The following TNS3 variants were observed in gnomAD, a reference collection of about 807,000 sequenced individuals.
TNS3 encodes tensin 3.
Under a neutral mutation model 140.9 loss-of-function variants are expected in TNS3, and 45 were observed. That is an observed-to-expected ratio of 0.32 (90% CI 0.25 to 0.41). TNS3 has a LOEUF of 0.41. TNS3 is among the 10% of genes least tolerant of loss of function. The probability of loss-of-function intolerance (pLI) is 1.00; values close to 1 mark genes in which losing one functional copy is unlikely to be tolerated. For synonymous variants in TNS3, 815 were observed against 788.4 expected, an observed-to-expected ratio of 1.03 and a Z score of -0.56; for missense variants, 1,716 against 1,906.7, an observed-to-expected ratio of 0.90 and a Z score of 1.86.
intron 4 of TNS3, among the ~76,000 whole-genome samples, chr7:47,471,037 T>C (rs1194972274): frequency 6.6e-6 from 1 of 151,334 alleles, no homozygotes; most frequent in Non-Finnish European, 1.5e-5. Flanking sequence ...GGATGAGGAG[T>C]CTGCCTGAAG....
chr7:47,401,163 G>A (rs987200949), intron 13 of TNS3, among the ~76,000 whole-genome samples: 10 of 152,222 alleles, frequency 6.6e-5, no homozygotes, highest in Admixed American at 1.3e-4. Context: ...TGTTCCCTGT[G>A]CTGCTCCTGT....
chr7:47,301,758 A>G (rs58330878), intron 23 of TNS3, among the ~76,000 whole-genome samples: 17,335 of 152,112 alleles, frequency 0.11, 1,284 homozygotes, highest in African/African-American at 0.21. Flanking sequence ...AGGTGTTCAC[A>G]AACACACAGT....
chr7:47,280,069 T>C (rs1229668124), intron 30 of TNS3, 95 bp downstream of exon 30: 1 of 1,464,384 alleles, frequency 6.8e-7, no homozygotes, highest in African/African-American at 1.4e-5. Flanking sequence ...AGTCATTTTC[T>C]TATAAGGCAC....
At chr7:47,366,170 C>T (rs920141620) in intron 17 of TNS3, among the ~76,000 whole-genome samples, 25 of 152,162 alleles carry the variant, frequency 1.6e-4, no homozygotes, top group African/African-American at 6.0e-4. Flanking sequence ...CCCATTAGAG[C>T]CTTTTTAGTA....
At chr7:47,571,566 A>G (rs1562863063) in intron 1 of TNS3, among the ~76,000 whole-genome samples, 1 of 152,240 alleles carries the variant, frequency 6.6e-6, no homozygotes, top group African/African-American at 2.4e-5. Flanking sequence ...AAATGAAAGG[A>G]GAGGCAGTAC....
chr7:47,496,554 C>G (rs907489145), intron 3 of TNS3, among the ~76,000 whole-genome samples: 4 of 152,174 alleles, frequency 2.6e-5, no homozygotes, highest in Non-Finnish European at 5.9e-5. Context: ...GGTATAAACC[C>G]TCATCTGCAC....
intron 7 of TNS3, 94 bp from the exon 8 acceptor site, chr7:47,435,498 T>A: frequency 6.4e-7 from 1 of 1,566,760 alleles, no homozygotes; most frequent in Non-Finnish European, 8.7e-7. Context: ...GTACATTTCA[T>A]TTGGGAGTAA....
intron 20 of TNS3, among the ~76,000 whole-genome samples, chr7:47,342,131 T>C (rs1257790039): frequency 6.6e-6 from 1 of 152,146 alleles, no homozygotes; most frequent in Non-Finnish European, 1.5e-5. Context: ...CCCATAGATA[T>C]TATAAATAAG....
chr7:47,437,898 G>A (rs1795268183), intron 6 of TNS3, among the ~76,000 whole-genome samples: 1 of 151,056 alleles, frequency 6.6e-6, no homozygotes, highest in Non-Finnish European at 1.5e-5. Flanking sequence ...TGGTGGGGAA[G>A]GCTGTCCCTC....
At chr7:47,565,069 T>C (rs1027504115) in intron 1 of TNS3, among the ~76,000 whole-genome samples, 13 of 151,750 alleles carry the variant, frequency 8.6e-5, no homozygotes, top group African/African-American at 2.7e-4. Context: ...GAAATGTTGA[T>C]TTTTTTATTT....
At chr7:47,298,752 C>T (rs755989147) in intron 23 of TNS3, among the ~76,000 whole-genome samples, 26 of 152,250 alleles carry the variant, frequency 1.7e-4, no homozygotes, top group Non-Finnish European at 3.1e-4. Context: ...CTGACCGGAC[C>T]CACAGCCAAG....
chr7:47,426,278 T>C (rs1794646690), intron 9 of TNS3, among the ~76,000 whole-genome samples: 1 of 152,120 alleles, frequency 6.6e-6, no homozygotes, highest in African/African-American at 2.4e-5. Context: ...TGAGACTCTG[T>C]CTTAAACACA....
intron 7 of TNS3, among the ~76,000 whole-genome samples, chr7:47,436,998 T>C (rs191850479): frequency 6.6e-6 from 1 of 152,308 alleles, no homozygotes; most frequent in Admixed American, 6.5e-5. Context: ...CTGACCTAGA[T>C]ATTTCACTAT....
intron 21 of TNS3, 105 bp from the exon 22 acceptor site, chr7:47,303,689 G>A: frequency 7.4e-7 from 1 of 1,356,644 alleles, no homozygotes; most frequent in Non-Finnish European, 9.8e-7. Flanking sequence ...GGAAGTGGGT[G>A]CTGAGGCCCT....
At position 47,303,490 on chromosome 7, in the gene TNS3, C is replaced by T. The variant is rs537187149; in HGVS notation, c.2917G>A (p.Ala973Thr). The T allele has an allele frequency of 7.5e-6, 12 of 1,610,348 alleles. No homozygotes were observed. Among genetic ancestry groups the T allele is most frequent in the Middle Eastern group, 1.6e-4 (1 of 6,074 alleles). Reference protein sequence around the residue: ...SGRPTGSPLSAEFSGTRKDSP... With the variant: ...SGRPTGSPLSTEFSGTRKDSP... ...TCCTTCCTGGTACCGGAGAACTCAGCGCTGAGGGGACTTCCGGTGGGCCGG... is the reference window on the plus strand; with the variant it reads ...TCCTTCCTGGTACCGGAGAACTCAGTGCTGAGGGGACTTCCGGTGGGCCGG... Residue 973 changes from alanine to threonine, a missense_variant, in exon 22 of 31, where the codon GCT (alanine) becomes ACT (threonine). Physicochemically the swap from Ala to Thr is moderately conservative, Grantham distance 58. Around this residue, in one of 3 missense-constraint regions of TNS3, gnomAD observed 1,163 missense variants for 1,182.1 expected, o/e 0.98. Transcript: ENST00000311160.
intron 1 of TNS3, among the ~76,000 whole-genome samples, chr7:47,569,026 C>G (rs1800491717): frequency 6.6e-6 from 1 of 152,246 alleles, no homozygotes; most frequent in African/African-American, 2.4e-5. Flanking sequence ...AGTTGCTCAT[C>G]TGAGAATTGA....
intron 4 of TNS3, among the ~76,000 whole-genome samples, chr7:47,444,661 G>A (rs542140757): frequency 1.3e-5 from 2 of 151,250 alleles, no homozygotes; most frequent in African/African-American, 4.9e-5. Flanking sequence ...GAGTGAGAAG[G>A]GCAGGTCAGA....
chr7:47,552,981 G>T (rs979890705), intron 1 of TNS3, among the ~76,000 whole-genome samples: 3 of 152,220 alleles, frequency 2.0e-5, no homozygotes, highest in African/African-American at 7.2e-5. Context: ...CTGTTACAAA[G>T]AAAGTTTGAA....
chr7:47,570,190 G>A (rs987252700), intron 1 of TNS3, among the ~76,000 whole-genome samples: 1 of 152,180 alleles, frequency 6.6e-6, no homozygotes, highest in Non-Finnish European at 1.5e-5. Flanking sequence ...TTACACAAGG[G>A]ATTACACAGT....
Sources: allele counts gnomAD v4.1 joint callset (sites outside exome capture counted in the v4.1 genomes callset), GRCh38; gene constraint gnomAD v4.1.1; regional missense constraint gnomAD v4.1.1; transcripts MANE v1.5; gene names NCBI Gene and HGNC (gene_info 2026-07-23, HGNC 2026-07-21).